Variants in RAI14 observed in about 807,000 individuals in gnomAD.
RAI14 encodes the protein retinoic acid induced 14, also known as ankycorbin.
In RAI14, 45 loss-of-function variants were observed where a neutral mutation model predicts 115.4. That is an observed-to-expected ratio of 0.39 (90% CI 0.31 to 0.50). RAI14 has a LOEUF of 0.50. Ranked by LOEUF, RAI14 falls within the 20% of genes least tolerant of loss-of-function variation. The probability of loss-of-function intolerance (pLI) is 0.85; values close to 1 mark genes in which losing one functional copy is unlikely to be tolerated. For synonymous variants in RAI14, 371 were observed against 415.4 expected (o/e 0.89, Z 1.30); for missense variants, 939 against 1,131.2 (o/e 0.83, Z 2.44).
chr5:34,691,159 A>G (rs1738543553), intron 2 of RAI14, among the ~76,000 whole-genome samples: 1 of 152,076 alleles, frequency 6.6e-6, no homozygotes, highest in Non-Finnish European at 1.5e-5. Flanking sequence ...GAAGAGGGGG[A>G]AAGGTCAGAA....
At chr5:34,758,165 G>C (rs1371994978) in intron 3 of RAI14, among the ~76,000 whole-genome samples, 2 of 152,212 alleles carry the variant, frequency 1.3e-5, no homozygotes, top group African/African-American at 4.8e-5. Flanking sequence ...TTTGGAGCCA[G>C]ATAGACATCT....
chr5:34,694,568 A>G (rs1396782338), intron 2 of RAI14, among the ~76,000 whole-genome samples: 1 of 152,186 alleles, frequency 6.6e-6, no homozygotes, highest in African/African-American at 2.4e-5. Context: ...TATTGTATTC[A>G]TGAAAATGCT....
intron 2 of RAI14, among the ~76,000 whole-genome samples, chr5:34,718,756 C>T (rs933776241): frequency 2.6e-5 from 4 of 152,176 alleles, no homozygotes; most frequent in Non-Finnish European, 5.9e-5. Context: ...CCAGCTTCCT[C>T]GTCTTTAAAA....
intron 2 of RAI14, chr5:34,733,254 G>C (rs1239835426): frequency 1.3e-5 from 2 of 152,232 alleles, no homozygotes; most frequent in East Asian, 1.9e-4. Context: ...TTGTTCACAG[G>C]CCTGTCCAAT....
At chr5:34,811,568 T>C (rs541001452) in intron 8 of RAI14, among the ~76,000 whole-genome samples, 199 bp from the exon 9 acceptor site, 3 of 145,774 alleles carry the variant, frequency 2.1e-5, no homozygotes, top group Non-Finnish European at 3.0e-5. Flanking sequence ...AATGTTTTGA[T>C]TTAATCTGAA....
chr5:34,669,873 C>T (rs984188813), intron 1 of RAI14, among the ~76,000 whole-genome samples: 12 of 152,144 alleles, frequency 7.9e-5, no homozygotes, highest in Non-Finnish European at 1.3e-4. Context: ...CCCAGGCGAA[C>T]GTAAAAATAG....
Position 34,826,609 on chromosome 5 carries a change from A to C in RAI14, c.2799+130A>C. The stretch of plus-strand genomic sequence containing the variant: ...CCCAAAGGAATGTACTTCAATGAGC[A>C]GTTGACTGATTTCTTCAGTGAGGGC... On this transcript the variant is annotated intron_variant, in intron 16 of 17. Coordinates refer to ENST00000265109, the MANE Select transcript of RAI14 (RefSeq NM_015577.3). 4.0e-6 allele frequency: 5 copies of C among 1,241,532 alleles called. No homozygotes were observed. The South Asian group carries it at 8.3e-5, about 21-fold the overall frequency. 76.9% of individuals were successfully genotyped at this position (1,241,532 alleles called of 1,614,324 possible).
intron 2 of RAI14, among the ~76,000 whole-genome samples, chr5:34,703,331 C>T (rs1233929375): frequency 6.6e-6 from 1 of 152,060 alleles, no homozygotes; most frequent in Admixed American, 6.6e-5. Flanking sequence ...GGATATTCAG[C>T]ATAAAAAAGA....
intron 2 of RAI14, among the ~76,000 whole-genome samples, chr5:34,723,698 CTAAATGT>C (rs1348664801): frequency 9.2e-5 from 14 of 152,176 alleles, no homozygotes; most frequent in African/African-American, 3.4e-4. Context: ...TTAAGGAAAG[CTAAATGT>C]TAAATGTTAA....
At chr5:34,763,679 G>T (rs1204740244) in intron 3 of RAI14, among the ~76,000 whole-genome samples, 1 of 152,156 alleles carries the variant, frequency 6.6e-6, no homozygotes, top group Non-Finnish European at 1.5e-5. Flanking sequence ...TGCATGTAAG[G>T]GGTTCAGGAC....
rs749938479 is a variant in RAI14 at position 34,677,451 on chromosome 5, G to A, written c.-48-9421G>A. ...CAGGCGTGAGCCACCACACCTGGCC[G>A]TTTCTTTTTTTTTAAAATGGGGTCT... On this transcript the variant is annotated intron_variant, in intron 1 of 17. Transcript: ENST00000265109. Among the ~76,000 whole-genome samples the A allele has an allele frequency of 2.0e-4, 31 of 151,804 alleles. No individual in the cohort carries two copies. In the East Asian group the frequency reaches 2.5e-3, roughly 12 times the overall value.
intron 1 of RAI14, among the ~76,000 whole-genome samples, chr5:34,671,743 ATTC>A (rs1218632505): frequency 6.6e-6 from 1 of 152,314 alleles, no homozygotes; most frequent in African/African-American, 2.4e-5. Context: ...TGGAGTTGAC[ATTC>A]TTTTTTACTA....
chr5:34,662,417 A>G (rs1561218470), intron 1 of RAI14, among the ~76,000 whole-genome samples: 2 of 152,218 alleles, frequency 1.3e-5, no homozygotes, highest in African/African-American at 4.8e-5. Context: ...TGAGTATAGG[A>G]GTTGACAAAA....
At chr5:34,742,404 G>A (rs1217040632) in intron 2 of RAI14, among the ~76,000 whole-genome samples, 2 of 152,152 alleles carry the variant, frequency 1.3e-5, no homozygotes, top group Admixed American at 6.5e-5. Flanking sequence ...AATTTTGGCC[G>A]ACAGTAGAAT....
intron 2 of RAI14, among the ~76,000 whole-genome samples, chr5:34,746,536 C>G (rs1469697660): frequency 6.6e-6 from 1 of 151,404 alleles, no homozygotes; most frequent in Non-Finnish European, 1.5e-5. Context: ...TCCCGAGTAG[C>G]TGGGATTACA....
chr5:34,715,949 T>TA (rs1466376272), intron 2 of RAI14: 10 of 321,494 alleles, frequency 3.1e-5, no homozygotes, highest in Non-Finnish European at 5.9e-5. Flanking sequence ...GAGGCTTTTT[T>TA]AAAAAAAGAA....
intron 2 of RAI14, among the ~76,000 whole-genome samples, chr5:34,692,246 G>A (rs902124032): frequency 3.3e-5 from 5 of 149,498 alleles, no homozygotes; most frequent in Non-Finnish European, 7.4e-5. Flanking sequence ...CTGGGCGACA[G>A]AGCGAAACTC....
At chr5:34,713,592 G>A (rs1741658284) in intron 2 of RAI14, among the ~76,000 whole-genome samples, 1 of 152,110 alleles carries the variant, frequency 6.6e-6, no homozygotes, top group African/African-American at 2.4e-5. Context: ...TAAAGATAAT[G>A]TCTCACTGTG....
chr5:34,808,598 C>T lies in RAI14; in HGVS notation c.394C>T (p.Leu132Phe). Residue 132 changes from leucine to phenylalanine, a missense_variant, in exon 7 of 18, where the codon CTT becomes TTT. Transcript: ENST00000265109. ...ALHYAAAQGCLQAVQILCEHK... is the reference protein window; with the variant it reads ...ALHYAAAQGCFQAVQILCEHK... ...CCTTCCCCCAGCGGCTCAGGGCTGC[C>T]TTCAAGCTGTGCAGATTCTCTGCGA... 2 of 1,614,198 alleles carry T rather than the reference C, an allele frequency of 1.2e-6. No individual in the cohort carries two copies. The highest frequency in any genetic ancestry group is 1.3e-5 in the African/African-American group (1 of 75,060).
Sources: allele counts gnomAD v4.1 joint callset (sites outside exome capture counted in the v4.1 genomes callset), GRCh38; gene constraint gnomAD v4.1.1; transcripts MANE v1.5; gene names NCBI Gene and HGNC (gene_info 2026-07-23, HGNC 2026-07-21).